Variants in ZNF546 observed in about 807,000 individuals in gnomAD.
The protein encoded by ZNF546 is zinc finger protein 546.
Under a neutral mutation model 76.2 loss-of-function variants are expected in ZNF546, and 60 were observed. The ratio of observed to expected loss-of-function variants is 0.79; its 90% CI spans 0.64 to 0.98. The LOEUF (loss-of-function observed/expected upper bound fraction) is 0.98, where lower values mean the gene tolerates loss of function less well. Ranked by LOEUF, ZNF546 falls within the 50% of genes least tolerant of loss-of-function variation. The pLI is 0.00. For synonymous variants in ZNF546, 277 were observed against 328.1 expected (o/e 0.84, Z 1.68); for missense variants, 936 against 1,035.6 (o/e 0.90, Z 1.32).
chr19:40,014,066 A>G lies in ZNF546; in HGVS notation c.796A>G (p.Ile266Val), dbSNP rs755003219. Residue 266 changes from isoleucine (I) to valine (V), a missense_variant, in exon 7 of 7, where the codon ATC becomes GTC. By Grantham distance (29) the Ile-to-Val change is conservative (BLOSUM62 3). Coordinates refer to ENST00000347077, the MANE Select transcript of ZNF546 (RefSeq NM_178544.5). ...RVGDLRVHHT[I>V]HAGERPYECK... is the part of the protein sequence containing the mutation. ...GGGAGACCTTAGAGTACATCACACAATCCATGCTGGGGAGAGACCCTATGA... is the reference window on the plus strand; with the variant it reads ...GGGAGACCTTAGAGTACATCACACAGTCCATGCTGGGGAGAGACCCTATGA... The G allele has an allele frequency of 4.3e-6, 7 of 1,612,952 alleles. No individual in the cohort carries two copies. In the South Asian group the frequency reaches 5.5e-5, roughly 13 times the overall value.
Position 40,015,749 on chromosome 19 carries a change from C to A in ZNF546, c.2479C>A (p.His827Asn). The A allele has an allele frequency of 6.2e-7, 1 of 1,612,636 alleles. No homozygotes were observed. The highest frequency in any genetic ancestry group is 8.5e-7 in the Non-Finnish European group (1 of 1,178,998). The change falls in exon 7 of 7, where the codon CAT (histidine) becomes AAT (asparagine). Residue 827 changes from histidine to asparagine, a missense_variant. Physicochemically the swap from His to Asn is moderately conservative, Grantham distance 68. Transcript: ENST00000347077. ...TCAACTTACTTTACATCAGAGAAAT[C>A]ATATTAGTGAGGAAGTCCTATGCAT... ...SDQLTLHQRN[H>N]ISEEVLCIM
chr19:40,011,138 T>C (rs977526117), intron 6 of ZNF546: 1 of 152,236 alleles, frequency 6.6e-6, no homozygotes, highest in Non-Finnish European at 1.5e-5. Context: ...TAAGTTAATT[T>C]ATCACATTTT....
At chr19:40,003,545 A>T (rs1971557586) in intron 3 of ZNF546, among the ~76,000 whole-genome samples, 2 of 152,242 alleles carry the variant, frequency 1.3e-5, no homozygotes. Flanking sequence ...AAAATTTCAG[A>T]GCACAAACTG....
chr19:40,014,779 A>G lies in ZNF546; in HGVS notation c.1509A>G (p.Gly503=). ...GEIPYECKEC[G]KTFSSRYHLT... ...TTCCCTATGAATGTAAGGAATGTGG[A>G]AAAACCTTCAGTAGTCGCTATCATC... Residue 503 remains glycine (G), a synonymous_variant, in exon 7 of 7, where the codon GGA becomes GGG. Transcript: ENST00000347077. 6.2e-7 allele frequency: 1 copy of G among 1,613,418 alleles called. No homozygotes were observed. Among genetic ancestry groups the G allele is most frequent in the Non-Finnish European group, 8.5e-7 (1 of 1,179,886 alleles).
At chr19:39,999,919 GTGTA>G (rs1444871643) in intron 3 of ZNF546, 1 of 152,192 alleles carries the variant, frequency 6.6e-6, no homozygotes, top group Non-Finnish European at 1.5e-5. Context: ...GTATGTGTGT[GTGTA>G]TGTGTGTGCG....
In ZNF546 at chr19:40,005,759, A is replaced by T. The variant is rs141673123; in HGVS notation, c.85-337A>T. Among the ~76,000 whole-genome samples, 750 of 152,138 alleles carry T rather than the reference A, an allele frequency of 4.9e-3. 5 individuals are homozygous for T. The highest frequency in any genetic ancestry group is 0.017 in the African/African-American group (715 of 41,514). On this transcript the variant is annotated intron_variant, in intron 3 of 6. Transcript: ENST00000347077. ...GATTCAGAACACAGCTCTGCCTCTT[A>T]CTAACTGTGAATTTGGGCAAGTTAC...
At position 40,015,413 on chromosome 19, in the gene ZNF546, C is replaced by G; in HGVS notation, c.2143C>G (p.His715Asp). 1 of 1,614,206 alleles carries G rather than the reference C, an allele frequency of 6.2e-7. No homozygotes were observed. The highest frequency in any genetic ancestry group is 1.1e-5 in the South Asian group (1 of 91,082). ...SYRLTLHQRI[H>D]TGELPYECKE... The stretch of plus-strand genomic sequence containing the variant: ...TCGACTTACATTACATCAAAGAATT[C>G]ACACTGGTGAGCTTCCATATGAATG... Residue 715 changes from histidine to aspartate, a missense_variant, in exon 7 of 7, where the codon CAC becomes GAC. Physicochemically the swap from His to Asp is moderately conservative, Grantham distance 81 (BLOSUM62 -1). Coordinates refer to ENST00000347077, the MANE Select transcript of ZNF546 (RefSeq NM_178544.5).
Position 40,015,971 on chromosome 19 carries a change from A to C in ZNF546, c.*190A>C. ...GTCCCTGTTAGACTTTAGAAGATTG[A>C]TACTGATGCACTGCATCCCAAACCA... On this transcript the variant is annotated 3_prime_UTR_variant, in exon 7 of 7. Coordinates refer to ENST00000347077, the MANE Select transcript of ZNF546 (RefSeq NM_178544.5). 1.2e-5 allele frequency: 7 copies of C among 607,252 alleles called. 1 individual carries two copies. In the South Asian group the frequency reaches 1.2e-4, roughly 11 times the overall value. The allele number at this position is 607,252 out of a possible 1,614,324, so 37.6% of individuals were successfully genotyped here. A position where few individuals can be genotyped will look rare whatever the true frequency, so the allele number is the denominator to read the frequency against.
rs1436453059 is a variant in ZNF546, at chr19:40,016,553, TGAAAA to T, written c.*778_*782del. ...ATAAATAAATAGATTACCAGAAAAA[TGAAAA>T]GAAAAAAACAGACATACAAAATAAA... On this transcript the variant is annotated 3_prime_UTR_variant, in exon 7 of 7. Coordinates refer to ENST00000347077, the MANE Select transcript of ZNF546 (RefSeq NM_178544.5). The T allele has an allele frequency of 1.3e-5, 2 of 151,758 alleles. No homozygotes were observed. The highest frequency in any genetic ancestry group is 2.9e-5 in the Non-Finnish European group (2 of 67,946). 9.4% of individuals were successfully genotyped at this position (151,758 alleles called of 1,614,324 possible). A position where few individuals can be genotyped will look rare whatever the true frequency, so the allele number is the denominator to read the frequency against.
chr19:39,998,128 G>T, intron 2 of ZNF546, 120 bp from the exon 3 acceptor site: 1 of 558,198 alleles, frequency 1.8e-6, no homozygotes, highest in Non-Finnish European at 3.2e-6. Flanking sequence ...TTTTCCCTTT[G>T]AAGAAGTTCA....
Position 40,018,398 on chromosome 19 carries a change from A to G in ZNF546, c.*2617A>G, listed in dbSNP as rs1021248209. ...GAATACTTAATGGGAGAAATTTTGT[A>G]TTTCAATTTGTAACCCATTAGGTGG... On this transcript the variant is annotated 3_prime_UTR_variant, in exon 7 of 7. Transcript: ENST00000347077. The G allele has an allele frequency of 6.6e-6, 1 of 152,196 alleles. No homozygotes were observed. Among genetic ancestry groups the G allele is most frequent in the African/African-American group, 2.4e-5 (1 of 41,458 alleles). The allele number at this position is 152,196 out of a possible 1,614,324, so 9.4% of individuals were successfully genotyped here. A position where few individuals can be genotyped will look rare whatever the true frequency, so the allele number is the denominator to read the frequency against.
chr19:40,018,412 C>T lies in ZNF546; in HGVS notation c.*2631C>T, dbSNP rs368333593. The T allele has an allele frequency of 5.9e-5, 9 of 152,166 alleles. No homozygotes were observed. Among genetic ancestry groups the T allele is most frequent in the Non-Finnish European group, 1.0e-4 (7 of 68,040 alleles). The allele number at this position is 152,166 out of a possible 1,614,324, so 9.4% of individuals were successfully genotyped here. ...AGAAATTTTGTATTTCAATTTGTAA[C>T]CCATTAGGTGGCATACAATGTCATT... is the stretch of plus-strand genomic sequence containing the variant. On this transcript the variant is annotated 3_prime_UTR_variant, in exon 7 of 7. Coordinates refer to ENST00000347077, the MANE Select transcript of ZNF546 (RefSeq NM_178544.5).
Position 39,998,431 on chromosome 19 carries a change from G to T in ZNF546, c.84+21G>T, listed in dbSNP as rs757423299. On this transcript the variant is annotated intron_variant, in intron 3 of 6. Transcript: ENST00000347077. ...TAATGGTAGAGAAATGCATATCCTG[G>T]AGTCTAAAGTTAAAACTTTGTTTTA... is the stretch of plus-strand genomic sequence containing the variant. 3.1e-6 allele frequency: 5 copies of T among 1,592,782 alleles called. No individual in the cohort carries two copies. The African/African-American group carries it at 5.4e-5, about 17-fold the overall frequency.
intron 3 of ZNF546, among the ~76,000 whole-genome samples, chr19:40,005,131 G>T (rs538303918): frequency 1.4e-5 from 2 of 146,786 alleles, no homozygotes; most frequent in African/African-American, 2.5e-5. Flanking sequence ...CGATTCTCCT[G>T]CCTTAGGCTC....
At chr19:40,013,102 C>T (rs1461783917) in intron 6 of ZNF546, among the ~76,000 whole-genome samples, 8 of 152,092 alleles carry the variant, frequency 5.3e-5, no homozygotes, top group South Asian at 4.1e-4. Flanking sequence ...CACGAGCCAC[C>T]GCACCCGGCC....
At chr19:40,006,597 C>T (rs1044402956) in intron 4 of ZNF546, among the ~76,000 whole-genome samples, 4 of 152,126 alleles carry the variant, frequency 2.6e-5, no homozygotes, top group Admixed American at 1.3e-4. Flanking sequence ...ATTGTGGATA[C>T]GTCAGCATCC....
chr19:40,006,012 G>T, intron 3 of ZNF546, 84 bp from the exon 4 acceptor site: 1 of 1,143,018 alleles, frequency 8.7e-7, no homozygotes, highest in Non-Finnish European at 1.3e-6. Context: ...TAGAAATGAT[G>T]GCATAACAGG....
intron 3 of ZNF546, among the ~76,000 whole-genome samples, chr19:40,002,698 C>CTTTT (rs34367306): frequency 7.1e-6 from 1 of 140,244 alleles, no homozygotes; most frequent in African/African-American, 2.7e-5. Flanking sequence ...GGGAAACTAA[C>CTTTT]TTTTTTTTTT....
chr19:40,016,367 C>A lies in ZNF546; in HGVS notation c.*586C>A, dbSNP rs1299712184. 6.5e-6 allele frequency: 1 copy of A among 153,106 alleles called. No homozygotes were observed. The highest frequency in any genetic ancestry group is 2.4e-5 in the African/African-American group (1 of 41,380). 9.5% of individuals were successfully genotyped at this position (153,106 alleles called of 1,614,324 possible). A position where few individuals can be genotyped will look rare whatever the true frequency, so the allele number is the denominator to read the frequency against. On this transcript the variant is annotated 3_prime_UTR_variant, in exon 7 of 7. Transcript: ENST00000347077. Reference sequence around the variant, plus strand: ...GAAACCCCTTCTCTACTAAAATACACAAATTAGCTAGGCATTGTGGGGGGT... The same window carrying A: ...GAAACCCCTTCTCTACTAAAATACAAAAATTAGCTAGGCATTGTGGGGGGT...
Sources: allele counts gnomAD v4.1 joint callset (sites outside exome capture counted in the v4.1 genomes callset), GRCh38; gene constraint gnomAD v4.1.1; transcripts MANE v1.5; gene names NCBI Gene and HGNC (gene_info 2026-07-23, HGNC 2026-07-21).